The following ZFPM2 variants were observed in gnomAD, a reference collection of about 807,000 sequenced individuals.
ZFPM2 encodes the protein zinc finger protein, FOG family member 2, also known as zinc finger protein ZFPM2.
ZFPM2 carries 20 observed loss-of-function variants against 98.6 expected under a neutral mutation model. The observed-to-expected ratio is 0.20, with a 90% CI of 0.14 to 0.29. The LOEUF is 0.29. Ranked by LOEUF, ZFPM2 falls within the 10% of genes least tolerant of loss-of-function variation. The pLI is 1.00. For missense variants in ZFPM2, 1,310 were observed against 1,388.6 expected, an observed-to-expected ratio of 0.94 and a Z score of 0.90; for synonymous variants, 518 against 502.7, an observed-to-expected ratio of 1.03 and a Z score of -0.41.
At chr8:105,796,077 A>AAATT (rs1405124115) in intron 6 of ZFPM2, among the ~76,000 whole-genome samples, 1 of 152,224 alleles carries the variant, frequency 6.6e-6, no homozygotes, top group Non-Finnish European at 1.5e-5. Flanking sequence ...GATGAGTCTG[A>AAATT]AATTACTGTG....
intron 5 of ZFPM2, among the ~76,000 whole-genome samples, chr8:105,751,585 A>G (rs1277528934): frequency 6.6e-6 from 1 of 152,110 alleles, no homozygotes; most frequent in East Asian, 1.9e-4. Context: ...TAGTGTAGGA[A>G]CTTCATCTTA....
intron 3 of ZFPM2, among the ~76,000 whole-genome samples, chr8:105,535,846 G>A (rs773896565): frequency 4.6e-5 from 7 of 152,098 alleles, no homozygotes; most frequent in Non-Finnish European, 8.8e-5. Context: ...ACCACTCTAT[G>A]ACATTACTTT....
chr8:105,453,212 C>T (rs148026884), intron 3 of ZFPM2, among the ~76,000 whole-genome samples: 38 of 152,188 alleles, frequency 2.5e-4, no homozygotes, highest in African/African-American at 9.1e-4. Flanking sequence ...CAGTGGTAGG[C>T]CCTAGGATAT....
intron 4 of ZFPM2, among the ~76,000 whole-genome samples, chr8:105,631,695 T>A (rs1816758008): frequency 1.3e-5 from 2 of 152,166 alleles, no homozygotes; most frequent in South Asian, 4.1e-4. Context: ...ATCTGTATCC[T>A]TCACCAAAAA....
At chr8:105,690,837 G>T (rs1810862583) in intron 5 of ZFPM2, 1 of 152,164 alleles carries the variant, frequency 6.6e-6, no homozygotes, top group African/African-American at 2.4e-5. Context: ...TTTACCAAAA[G>T]CACTATTACC....
chr8:105,585,918 G>T (rs533225087), intron 4 of ZFPM2, among the ~76,000 whole-genome samples: 1 of 151,916 alleles, frequency 6.6e-6, no homozygotes, highest in Non-Finnish European at 1.5e-5. Context: ...TCTAAGAAGA[G>T]GCCTGAAGAA....
chr8:105,516,438 T>G (rs1332383090), intron 3 of ZFPM2, among the ~76,000 whole-genome samples: 1 of 152,186 alleles, frequency 6.6e-6, no homozygotes, highest in Non-Finnish European at 1.5e-5. Flanking sequence ...TATTTGGGGA[T>G]AATTAGTATT....
chr8:105,394,448 A>G (rs1182518178), intron 1 of ZFPM2, among the ~76,000 whole-genome samples: 1 of 152,196 alleles, frequency 6.6e-6, no homozygotes, highest in African/African-American at 2.4e-5. Flanking sequence ...TACTATCTTA[A>G]TAGTACCTGG....
intron 5 of ZFPM2, among the ~76,000 whole-genome samples, chr8:105,708,873 C>T (rs1327155708): frequency 6.6e-6 from 1 of 152,104 alleles, no homozygotes; most frequent in African/African-American, 2.4e-5. Flanking sequence ...TAAACATATG[C>T]CATGGGTTGA....
At chr8:105,678,279 T>C (rs1177550260) in intron 5 of ZFPM2, among the ~76,000 whole-genome samples, 1 of 152,192 alleles carries the variant, frequency 6.6e-6, no homozygotes, top group Non-Finnish European at 1.5e-5. Context: ...ATGGAATCTA[T>C]CTAATCAGCT....
chr8:105,372,657 A>G (rs76953628), intron 1 of ZFPM2, among the ~76,000 whole-genome samples: 3,421 of 152,264 alleles, frequency 0.022, 118 homozygotes, highest in African/African-American at 0.078. Flanking sequence ...ACATCTCTAT[A>G]TTAGTGTATA....
chr8:105,796,898 C>T (rs572912773), intron 6 of ZFPM2: 4 of 152,200 alleles, frequency 2.6e-5, no homozygotes, highest in African/African-American at 9.7e-5. Context: ...TGAGTTTGCA[C>T]AATACAAGGT....
At chr8:105,612,480 T>A (rs1816327272) in intron 4 of ZFPM2, among the ~76,000 whole-genome samples, 1 of 152,176 alleles carries the variant, frequency 6.6e-6, no homozygotes, top group Admixed American at 6.5e-5. Context: ...TTCCAAATGG[T>A]ACATTTTCAA....
At chr8:105,348,549 C>T (rs1407952161) in intron 1 of ZFPM2, among the ~76,000 whole-genome samples, 1 of 152,084 alleles carries the variant, frequency 6.6e-6, no homozygotes, top group Admixed American at 6.5e-5. Flanking sequence ...AGAAATGTGT[C>T]TCACTTATAA....
chr8:105,586,297 A>T (rs1815713421), intron 4 of ZFPM2, among the ~76,000 whole-genome samples: 1 of 152,068 alleles, frequency 6.6e-6, no homozygotes, highest in Admixed American at 6.6e-5. Flanking sequence ...CACTTCTTCT[A>T]CATGTTGTCA....
chr8:105,422,489 T>G (rs1227353241), intron 2 of ZFPM2, among the ~76,000 whole-genome samples: 1 of 151,818 alleles, frequency 6.6e-6, no homozygotes, highest in East Asian at 1.9e-4. Flanking sequence ...TTAATGAAAC[T>G]TTTTTTTGCA....
chr8:105,719,339 A>G (rs925388829), intron 5 of ZFPM2, among the ~76,000 whole-genome samples: 2 of 151,922 alleles, frequency 1.3e-5, no homozygotes, highest in African/African-American at 4.8e-5. Context: ...TGATACAAAA[A>G]GTACACACGC....
intron 4 of ZFPM2, among the ~76,000 whole-genome samples, chr8:105,623,762 G>C (rs1295349330): frequency 1.3e-5 from 2 of 151,860 alleles, no homozygotes; most frequent in Non-Finnish European, 2.9e-5. Context: ...TTTTTATAGT[G>C]GTTTAAACAG....
chr8:105,624,997 C>T (rs1816625566), intron 4 of ZFPM2, among the ~76,000 whole-genome samples: 2 of 152,166 alleles, frequency 1.3e-5, no homozygotes, highest in African/African-American at 4.8e-5. Flanking sequence ...CAGAAGTTCT[C>T]TGGAATTTCA....
Sources: gnomAD v4.1 joint callset for allele counts (sites outside exome capture counted in the v4.1 genomes callset) on GRCh38, gnomAD v4.1.1 for gene constraint, MANE v1.5 for transcripts, NCBI Gene and HGNC (gene_info 2026-07-23, HGNC 2026-07-21) for gene names.